TNRC6B: variants seen among roughly 807,000 people sequenced by gnomAD.
The protein encoded by TNRC6B is trinucleotide repeat containing adaptor 6B.
Under a neutral mutation model 203.6 loss-of-function variants are expected in TNRC6B, and 52 were observed. That is an observed-to-expected ratio of 0.26 (90% CI 0.20 to 0.32). TNRC6B has a LOEUF of 0.32. Ranked by LOEUF, TNRC6B falls within the 10% of genes least tolerant of loss-of-function variation. The pLI is 1.00. For missense variants in TNRC6B, 1,923 were observed against 2,286.2 expected, an observed-to-expected ratio of 0.84 and a Z score of 3.24; for synonymous variants, 838 against 845.7, an observed-to-expected ratio of 0.99 and a Z score of 0.16.
chr22:40,065,949 C>T (rs915757710), intron 1 of TNRC6B, among the ~76,000 whole-genome samples: 4 of 152,148 alleles, frequency 2.6e-5, no homozygotes, highest in Non-Finnish European at 5.9e-5. Context: ...GCAGTTTTCT[C>T]ACATAAACGT....
intron 1 of TNRC6B, among the ~76,000 whole-genome samples, chr22:40,089,351 G>C (rs1454760231): frequency 6.6e-6 from 1 of 152,042 alleles, no homozygotes; most frequent in East Asian, 1.9e-4. Flanking sequence ...TCTTGCCTCA[G>C]CCTCCCCGGT....
Position 40,300,504 on chromosome 22 carries a change from G to C in TNRC6B, c.3758G>C (p.Gly1253Ala). The C allele has an allele frequency of 6.2e-7, 1 of 1,612,680 alleles. No individual in the cohort carries two copies. The highest frequency in any genetic ancestry group is 8.5e-7 in the Non-Finnish European group (1 of 1,179,464). The change falls in exon 13 of 23, where the codon GGT becomes GCT. Residue 1253 changes from glycine (G) to alanine (A), a missense_variant. Coordinates refer to ENST00000454349, the MANE Select transcript of TNRC6B (RefSeq NM_001162501.2). ...TTTCCCAACAGTGGCCTGAGTCCAG[G>C]TCTTTTCAATGTGGGGCCCCAGTTA... ...KQFPNSGLSP[G>A]LFNVGPQLSP...
At chr22:40,123,615 G>A (rs577633884) in intron 2 of TNRC6B, among the ~76,000 whole-genome samples, 14 of 152,322 alleles carry the variant, frequency 9.2e-5, no homozygotes, top group African/African-American at 2.9e-4. Flanking sequence ...ATGGAGCGTG[G>A]GTCTGGAGGA....
At position 40,310,899 on chromosome 22, in the gene TNRC6B, C is replaced by A; in HGVS notation, c.4341C>A (p.Gly1447=). The A allele has an allele frequency of 6.2e-7, 1 of 1,611,834 alleles. No individual in the cohort carries two copies. The highest frequency in any genetic ancestry group is 8.5e-7 in the Non-Finnish European group (1 of 1,179,174). Reference sequence around the variant, plus strand: ...TCATCCCTGGTGACACACTGGGTGGCCATACGGGTCCTGCTGGTGATAGCT... The same window carrying A: ...TCATCCCTGGTGACACACTGGGTGGACATACGGGTCCTGCTGGTGATAGCT... ...FDIIPGDTLG[G]HTGPAGDSWL... is the part of the protein sequence containing the mutation. Residue 1447 remains glycine, a synonymous_variant, in exon 17 of 23, where the codon GGC becomes GGA. Transcript: ENST00000454349.
chr22:40,146,706 C>A (rs1375238656), intron 3 of TNRC6B, among the ~76,000 whole-genome samples: 1 of 151,912 alleles, frequency 6.6e-6, no homozygotes, highest in Non-Finnish European at 1.5e-5. Context: ...ATTACAGGCG[C>A]CCGCCGCCAT....
At chr22:40,197,282 T>C (rs2069350244) in intron 1 of TNRC6B, among the ~76,000 whole-genome samples, 1 of 147,512 alleles carries the variant, frequency 6.8e-6, no homozygotes, top group Non-Finnish European at 1.5e-5. Flanking sequence ...GAAAGGTGTT[T>C]TTCTTGTTTT....
At chr22:40,164,193 C>T (rs1393597122) in intron 4 of TNRC6B, among the ~76,000 whole-genome samples, 4 of 150,060 alleles carry the variant, frequency 2.7e-5, no homozygotes, top group African/African-American at 9.9e-5. Context: ...ACCAGCCTGA[C>T]CAGCATGGTG....
At chr22:40,262,454 T>C (rs1285246527) in intron 4 of TNRC6B, among the ~76,000 whole-genome samples, 3 of 152,102 alleles carry the variant, frequency 2.0e-5, no homozygotes, top group Non-Finnish European at 4.4e-5. Flanking sequence ...GTTACAAATT[T>C]GAGCCTCCAT....
At chr22:40,278,356 G>A (rs552648288) in intron 9 of TNRC6B, among the ~76,000 whole-genome samples, 1 of 151,926 alleles carries the variant, frequency 6.6e-6, no homozygotes, top group South Asian at 2.1e-4. Context: ...TCAAGAGATC[G>A]AGACCATCCT....
intron 3 of TNRC6B, among the ~76,000 whole-genome samples, chr22:40,154,857 AAAAATATATATATATATATATAT>A (rs1199642430): frequency 2.4e-5 from 1 of 42,364 alleles, no homozygotes; most frequent in Middle Eastern, 8.5e-3. Context: ...AAAAAAAAAA[AAAAATATATATATATATATATAT>A]ATATATATAT....
intron 1 of TNRC6B, among the ~76,000 whole-genome samples, chr22:40,064,502 C>T (rs762333332): frequency 6.6e-6 from 1 of 151,590 alleles, no homozygotes; most frequent in East Asian, 1.9e-4. Context: ...TTGAGATGAT[C>T]ATCTAGTTTT....
intron 1 of TNRC6B, among the ~76,000 whole-genome samples, chr22:40,060,273 T>C (rs991798914): frequency 6.6e-6 from 1 of 151,862 alleles, no homozygotes; most frequent in Non-Finnish European, 1.5e-5. Flanking sequence ...CAGGCTAAAG[T>C]GCAGTGGCAC....
At chr22:40,314,501 A>G (rs530039516) in intron 19 of TNRC6B, among the ~76,000 whole-genome samples, 8 of 152,376 alleles carry the variant, frequency 5.3e-5, no homozygotes, top group East Asian at 1.9e-4. Context: ...GGGGGGGAAC[A>G]TATTCCATAC....
At chr22:40,096,196 A>C (rs988400638) in intron 1 of TNRC6B, among the ~76,000 whole-genome samples, 1 of 152,190 alleles carries the variant, frequency 6.6e-6, no homozygotes. Context: ...TCAGATTCCA[A>C]ATCTTTAGCC....
chr22:40,321,380 GT>G (rs1246816231), intron 22 of TNRC6B, 151 bp downstream of exon 22: 2 of 937,920 alleles, frequency 2.1e-6, no homozygotes, highest in Non-Finnish European at 3.1e-6. Context: ...TGTGGAGAGT[GT>G]GGAGGTGCCG....
At position 40,261,078 on chromosome 22, in the gene TNRC6B, G is replaced by C. The variant is rs563199623; in HGVS notation, c.116-754G>C. On this transcript the variant is annotated intron_variant, in intron 3 of 22. Transcript: ENST00000454349. Reference sequence around the variant, plus strand: ...GTAAATAGCTTGAGTTCAGGAGTTCGAGACCAGTCTAGGTAGGCAACATGG... The same window carrying C: ...GTAAATAGCTTGAGTTCAGGAGTTCCAGACCAGTCTAGGTAGGCAACATGG... Among the ~76,000 whole-genome samples, 6 of 152,118 alleles carry C rather than the reference G, an allele frequency of 3.9e-5. 1 individual carries two copies. In the South Asian group the frequency reaches 1.2e-3, roughly 32 times the overall value.
At chr22:40,276,373 A>G (rs2070645351) in intron 7 of TNRC6B, among the ~76,000 whole-genome samples, 1 of 151,730 alleles carries the variant, frequency 6.6e-6, no homozygotes, top group South Asian at 2.1e-4. Flanking sequence ...AACATAGAGA[A>G]TTTTCACCTG....
upstream of TNRC6B, among the ~76,000 whole-genome samples, chr22:40,174,089 A>G (rs773740812): frequency 1.4e-4 from 21 of 151,182 alleles, no homozygotes; most frequent in South Asian, 6.2e-4. Context: ...GTGAGCCACC[A>G]CGCCCAGCCT....
In TNRC6B at chr22:40,264,986, C is replaced by A; in HGVS notation, c.756C>A (p.Asn252Lys). 6.2e-7 allele frequency: 1 copy of A among 1,613,918 alleles called. No individual in the cohort carries two copies. ...GSQCQSASSG[N>K]ECNLGVWKSD... ...AGTGCCAGTCTGCAAGTTCTGGGAACGAATGTAATCTTGGGGTCTGGAAAT... is the reference window on the plus strand; with the variant it reads ...AGTGCCAGTCTGCAAGTTCTGGGAAAGAATGTAATCTTGGGGTCTGGAAAT... The change falls in exon 5 of 23, where the codon AAC becomes AAA. Residue 252 changes from asparagine to lysine, a missense_variant. Around this residue, in one of 8 missense-constraint regions of TNRC6B, gnomAD observed 614 missense variants for 587.7 expected, o/e 1.04. Coordinates refer to ENST00000454349, the MANE Select transcript of TNRC6B (RefSeq NM_001162501.2).
Sources: allele counts gnomAD v4.1 joint callset (sites outside exome capture counted in the v4.1 genomes callset), GRCh38; gene constraint gnomAD v4.1.1; regional missense constraint gnomAD v4.1.1; transcripts MANE v1.5; gene names NCBI Gene and HGNC (gene_info 2026-07-23, HGNC 2026-07-21).